Variants in AGBL4 observed in about 807,000 individuals in gnomAD.
AGBL4 encodes cytosolic carboxypeptidase 6.
A neutral mutation model predicts 66.4 loss-of-function variants in AGBL4; 58 were observed. The ratio of observed to expected loss-of-function variants is 0.87; its 90% CI spans 0.71 to 1.09. The LOEUF is 1.09. AGBL4 is among the 50% of genes least tolerant of loss of function. The probability of loss-of-function intolerance (pLI) is 0.00; values close to 1 mark genes in which losing one functional copy is unlikely to be tolerated. For missense variants in AGBL4, 579 were observed against 631.0 expected, an observed-to-expected ratio of 0.92 and a Z score of 0.88; for synonymous variants, 234 against 222.9, an observed-to-expected ratio of 1.05 and a Z score of -0.44.
chr1:49,036,286 A>T (rs1421148414), intron 5 of AGBL4, among the ~76,000 whole-genome samples: 1 of 152,118 alleles, frequency 6.6e-6, no homozygotes, highest in African/African-American at 2.4e-5. Context: ...TTCTGACTTC[A>T]TTTCTAGAGA....
chr1:48,864,450 G>A (rs61783854), intron 6 of AGBL4, among the ~76,000 whole-genome samples: 73,311 of 152,028 alleles, frequency 0.48, 20,877 homozygotes, highest in Non-Finnish European at 0.65. Context: ...ATACTCATAC[G>A]TAAAGAGACA....
intron 4 of AGBL4, among the ~76,000 whole-genome samples, chr1:49,077,606 C>T (rs1309771822): frequency 2.0e-5 from 3 of 152,070 alleles, no homozygotes; most frequent in African/African-American, 4.8e-5. Flanking sequence ...AGGTATGACA[C>T]AAAGTTAGTT....
At chr1:49,442,595 T>G (rs1182388946) in intron 3 of AGBL4, among the ~76,000 whole-genome samples, 2 of 152,258 alleles carry the variant, frequency 1.3e-5, no homozygotes, top group Non-Finnish European at 2.9e-5. Flanking sequence ...TCACGCTTTT[T>G]GATGTCTGAA....
In AGBL4 at chr1:49,170,195, AAT is replaced by A. The variant is rs575531014; in HGVS notation, c.377+75573_377+75574del. ...TATATTATAAATTTATATTCATATA[AAT>A]ATGTTATAAATTTATATTCATATAA... On this transcript the variant is annotated intron_variant, in intron 4 of 13. Coordinates refer to ENST00000371839, the MANE Select transcript of AGBL4 (RefSeq NM_032785.4). Among the ~76,000 whole-genome samples, 214 of 147,284 alleles carry A rather than the reference AAT, an allele frequency of 1.5e-3. 4 individuals carry two copies. The highest frequency in any genetic ancestry group is 5.1e-3 in the African/African-American group (206 of 40,640).
At chr1:49,146,125 A>T (rs538832056) in intron 4 of AGBL4, among the ~76,000 whole-genome samples, 1 of 152,278 alleles carries the variant, frequency 6.6e-6, no homozygotes, top group East Asian at 1.9e-4. Flanking sequence ...GGGACTGGTT[A>T]GGGAGGAAGT....
At chr1:48,838,363 T>C (rs1328816654) in intron 6 of AGBL4, among the ~76,000 whole-genome samples, 2 of 151,976 alleles carry the variant, frequency 1.3e-5, no homozygotes, top group African/African-American at 4.8e-5. Context: ...TAGAACAGAA[T>C]AGAAAACCCA....
intron 3 of AGBL4, among the ~76,000 whole-genome samples, chr1:49,635,567 A>G (rs1645655535): frequency 6.6e-6 from 1 of 152,178 alleles, no homozygotes; most frequent in African/African-American, 2.4e-5. Flanking sequence ...CTTAATTTTT[A>G]AAAATCAGCA....
chr1:48,746,476 T>C (rs118117128), intron 6 of AGBL4, among the ~76,000 whole-genome samples: 4 of 152,178 alleles, frequency 2.6e-5, no homozygotes, highest in Admixed American at 2.0e-4. Flanking sequence ...AAGGGACTGA[T>C]AGACTTCTGT....
chr1:49,971,911 T>G (rs1365798761), intron 1 of AGBL4, among the ~76,000 whole-genome samples: 1,135 of 82,696 alleles, frequency 0.014, 97 homozygotes, highest in African/African-American at 0.046. Context: ...TTTTGGGTTT[T>G]TTTTTTTTTT....
chr1:49,048,041 G>C (rs868605501), intron 4 of AGBL4, among the ~76,000 whole-genome samples: 3 of 152,146 alleles, frequency 2.0e-5, no homozygotes, highest in African/African-American at 4.8e-5. Context: ...CGAGTCCCAG[G>C]GTTCCCGATT....
intron 1 of AGBL4, among the ~76,000 whole-genome samples, chr1:49,866,662 G>A (rs1218952615): frequency 6.6e-6 from 1 of 152,078 alleles, no homozygotes; most frequent in Non-Finnish European, 1.5e-5. Flanking sequence ...TACTCAGAAT[G>A]CTGAGGCAGG....
chr1:49,919,943 C>G (rs955215085), intron 1 of AGBL4, among the ~76,000 whole-genome samples: 1 of 152,192 alleles, frequency 6.6e-6, no homozygotes, highest in Non-Finnish European at 1.5e-5. Context: ...CACACATCTA[C>G]AACTATCTGA....
In AGBL4 at chr1:49,949,340, T is replaced by C. The variant is rs535687859; in HGVS notation, c.34+74423A>G. 2.6e-5 allele frequency among the ~76,000 whole-genome samples: 4 copies of C among 151,826 alleles called. No individual in the cohort carries two copies. In the South Asian group the frequency reaches 8.3e-4, roughly 32 times the overall value. On this transcript the variant is annotated intron_variant, in intron 1 of 13. Coordinates refer to ENST00000371839, the MANE Select transcript of AGBL4 (RefSeq NM_032785.4). ...TTCATGACCAAGAACCCAAAAGCAA[T>C]TGCAATAAAAACAAAGATAAATAGC...
intron 4 of AGBL4, among the ~76,000 whole-genome samples, chr1:49,046,748 G>A (rs993865676): frequency 3.3e-5 from 5 of 152,158 alleles, no homozygotes; most frequent in African/African-American, 1.2e-4. Context: ...TTCCAGGCCA[G>A]TTCAGCTCCA....
chr1:49,407,153 G>A (rs1379850100), intron 3 of AGBL4, among the ~76,000 whole-genome samples: 1 of 151,650 alleles, frequency 6.6e-6, no homozygotes, highest in African/African-American at 2.4e-5. Flanking sequence ...TCAAAATGGA[G>A]GGTATTTTTG....
chr1:49,340,253 C>A (rs1257189898), intron 3 of AGBL4, among the ~76,000 whole-genome samples: 1 of 151,134 alleles, frequency 6.6e-6, no homozygotes, highest in Non-Finnish European at 1.5e-5. Context: ...GAGAACTAGA[C>A]CAATCCCCAC....
intron 11 of AGBL4, among the ~76,000 whole-genome samples, chr1:48,552,408 C>G (rs1644262938): frequency 6.6e-6 from 1 of 152,212 alleles, no homozygotes; most frequent in Non-Finnish European, 1.5e-5. Context: ...GATAAGTTAT[C>G]AATCACCTCC....
At chr1:49,277,773 C>T (rs1273319947) in intron 3 of AGBL4, among the ~76,000 whole-genome samples, 1 of 151,380 alleles carries the variant, frequency 6.6e-6, no homozygotes, top group Non-Finnish European at 1.5e-5. Flanking sequence ...TTTTTCCCAG[C>T]CCAACTGTCC....
chr1:49,342,760 T>C (rs1007005645), intron 3 of AGBL4, among the ~76,000 whole-genome samples: 2 of 152,214 alleles, frequency 1.3e-5, no homozygotes, highest in African/African-American at 4.8e-5. Flanking sequence ...ATTTATTGAT[T>C]CTTTTCTCCT....
Sources: gnomAD v4.1 joint callset for allele counts (sites outside exome capture counted in the v4.1 genomes callset) on GRCh38, gnomAD v4.1.1 for gene constraint, MANE v1.5 for transcripts, NCBI Gene and HGNC (gene_info 2026-07-23, HGNC 2026-07-21) for gene names.